RBPMS: variants seen among roughly 807,000 people sequenced by gnomAD.
RBPMS encodes RNA binding protein, mRNA processing factor.
In RBPMS, 7 loss-of-function variants were observed where a neutral mutation model predicts 26.8. The ratio of observed to expected loss-of-function variants is 0.26; its 90% CI spans 0.15 to 0.49. RBPMS has a LOEUF of 0.49. RBPMS is among the 20% of genes least tolerant of loss of function. The pLI is 0.98. For synonymous variants in RBPMS, 96 were observed against 93.3 expected (o/e 1.03, Z -0.17); for missense variants, 186 against 250.0 (o/e 0.74, Z 1.73).
Position 30,504,599 on chromosome 8 carries a change from A to G in RBPMS, c.397+163A>G, listed in dbSNP as rs966619953. Among the ~76,000 whole-genome samples the G allele has an allele frequency of 5.9e-5, 9 of 152,314 alleles. No individual in the cohort carries two copies. In the South Asian group the frequency reaches 1.2e-3, roughly 21 times the overall value. On this transcript the variant is annotated intron_variant, in intron 5 of 8. Coordinates refer to ENST00000397323, the MANE Select transcript of RBPMS (RefSeq NM_001008710.3). Reference sequence around the variant, plus strand: ...TGGTGTCAGAATTCCAAATACAGCAATCTTGTTTGTGATTGGCTTCCCAAA... The same window carrying G: ...TGGTGTCAGAATTCCAAATACAGCAGTCTTGTTTGTGATTGGCTTCCCAAA...
chr8:30,444,712 G>C (rs1813527320), intron 1 of RBPMS: 1 of 152,196 alleles, frequency 6.6e-6, no homozygotes, highest in East Asian at 1.9e-4. Context: ...AAGAAAGACA[G>C]AACAAAGAAG....
intron 5 of RBPMS, among the ~76,000 whole-genome samples, chr8:30,515,605 T>A (rs866993002): frequency 2.0e-5 from 3 of 152,248 alleles, no homozygotes; most frequent in African/African-American, 4.8e-5. Context: ...TATCTTTTTT[T>A]CTAAATATGT....
chr8:30,558,769 T>C (rs1827196335), intron 6 of RBPMS, 118 bp from the exon 7 acceptor site: 1 of 835,942 alleles, frequency 1.2e-6, no homozygotes, highest in Non-Finnish European at 2.0e-6. Context: ...CCTCACAGGC[T>C]AGTGTGAGTG....
chr8:30,509,033 A>G (rs1454666988), intron 5 of RBPMS, among the ~76,000 whole-genome samples: 3 of 152,146 alleles, frequency 2.0e-5, no homozygotes, highest in African/African-American at 7.2e-5. Flanking sequence ...TCCAGCTCCA[A>G]GGAGTCCGGT....
intron 5 of RBPMS, among the ~76,000 whole-genome samples, chr8:30,521,370 T>C (rs1585749222): frequency 6.6e-6 from 1 of 152,334 alleles, no homozygotes; most frequent in South Asian, 2.1e-4. Context: ...TCTGTCATGA[T>C]TGGTTTGGGT....
intron 5 of RBPMS, among the ~76,000 whole-genome samples, chr8:30,513,461 C>A (rs985523416): frequency 6.6e-6 from 1 of 151,450 alleles, no homozygotes; most frequent in African/African-American, 2.4e-5. Flanking sequence ...TGGTGGCAGG[C>A]GCCTGTGGTC....
chr8:30,426,661 C>A (rs4383932), intron 1 of RBPMS, among the ~76,000 whole-genome samples: 1 of 150,090 alleles, frequency 6.7e-6, no homozygotes, highest in African/African-American at 2.5e-5. Context: ...TACTTTCTCA[C>A]TTTGCTTGCA....
intron 6 of RBPMS, chr8:30,547,517 G>T: frequency 6.6e-7 from 1 of 1,519,248 alleles, no homozygotes; most frequent in South Asian, 1.4e-5. Context: ...GAGCAAAAAT[G>T]AACTCAAGTA....
chr8:30,537,041 C>A (rs532170535), intron 5 of RBPMS, among the ~76,000 whole-genome samples: 1 of 152,216 alleles, frequency 6.6e-6, no homozygotes, highest in South Asian at 2.1e-4. Flanking sequence ...TCTGGGTAAC[C>A]CTCATCCCAG....
At chr8:30,492,690 T>C (rs776293168) in intron 4 of RBPMS, among the ~76,000 whole-genome samples, 2 of 152,184 alleles carry the variant, frequency 1.3e-5, no homozygotes, top group Non-Finnish European at 2.9e-5. Context: ...TTATTGATAA[T>C]GAATTTGCAC....
At chr8:30,456,174 A>G (rs1815186714) in intron 1 of RBPMS, among the ~76,000 whole-genome samples, 1 of 152,176 alleles carries the variant, frequency 6.6e-6, no homozygotes, top group Non-Finnish European at 1.5e-5. Context: ...TTTATCTGAT[A>G]TTTGTTGTTT....
intron 7 of RBPMS, 94 bp downstream of exon 7, chr8:30,559,050 G>A: frequency 1.0e-6 from 1 of 994,858 alleles, no homozygotes; most frequent in Non-Finnish European, 1.6e-6. Flanking sequence ...TCCTTTCTCT[G>A]CACCCACACC....
chr8:30,443,428 C>T (rs890451946), intron 1 of RBPMS, among the ~76,000 whole-genome samples: 1 of 152,118 alleles, frequency 6.6e-6, no homozygotes, highest in Non-Finnish European at 1.5e-5. Flanking sequence ...GCTCTAACAC[C>T]AGCTGTTTTG....
rs963040507 is a variant in RBPMS at position 30,557,792 on chromosome 8, TG to T, written c.529-1094del. Among the ~76,000 whole-genome samples the T allele has an allele frequency of 2.0e-5, 3 of 152,364 alleles. No individual in the cohort carries two copies. In the East Asian group the frequency reaches 5.8e-4, roughly 29 times the overall value. On this transcript the variant is annotated intron_variant, in intron 6 of 8. Coordinates refer to ENST00000397323, the MANE Select transcript of RBPMS (RefSeq NM_001008710.3). ...AGAGCAGTGGGAGGCGGGCATCTCT[TG>T]CCTGTGTCCAAAAACATGTCCAGTG...
At chr8:30,546,378 G>A (rs553108379) in intron 6 of RBPMS, among the ~76,000 whole-genome samples, 15 of 152,194 alleles carry the variant, frequency 9.9e-5, no homozygotes, top group Non-Finnish European at 1.8e-4. Context: ...AGTGGCTTTT[G>A]GCCATGACAT....
intron 1 of RBPMS, among the ~76,000 whole-genome samples, chr8:30,433,144 C>T (rs1035252282): frequency 1.2e-4 from 18 of 152,274 alleles, no homozygotes; most frequent in African/African-American, 3.9e-4. Flanking sequence ...ATAATTCTAC[C>T]GTTTAAAACT....
chr8:30,513,147 T>C (rs113677115), intron 5 of RBPMS, among the ~76,000 whole-genome samples: 1,617 of 152,108 alleles, frequency 0.011, 18 homozygotes, highest in African/African-American at 0.032. Flanking sequence ...ATGCAGAGTC[T>C]TGGGGCAGCA....
chr8:30,540,007 G>C (rs1825217305), intron 5 of RBPMS, among the ~76,000 whole-genome samples: 1 of 152,206 alleles, frequency 6.6e-6, no homozygotes, highest in Admixed American at 6.5e-5. Context: ...TTGCCGTCCA[G>C]GAGGTAACTG....
chr8:30,530,940 C>A (rs1368206407), intron 5 of RBPMS, among the ~76,000 whole-genome samples: 1 of 152,086 alleles, frequency 6.6e-6, no homozygotes, highest in African/African-American at 2.4e-5. Flanking sequence ...AAACATTATA[C>A]CAATCCCTCA....
Sources: gnomAD v4.1 joint callset for allele counts (sites outside exome capture counted in the v4.1 genomes callset) on GRCh38, gnomAD v4.1.1 for gene constraint, MANE v1.5 for transcripts, NCBI Gene and HGNC (gene_info 2026-07-23, HGNC 2026-07-21) for gene names.